Variants in HTR1F observed in about 807,000 individuals in gnomAD.
HTR1F encodes the protein 5-hydroxytryptamine (serotonin) receptor 1F, G protein-coupled.
Under a neutral mutation model 24.0 loss-of-function variants are expected in HTR1F, and 17 were observed. The observed-to-expected ratio is 0.71, with a 90% CI of 0.48 to 1.06. The LOEUF (loss-of-function observed/expected upper bound fraction) is 1.06. Ranked by LOEUF, HTR1F falls within the 50% of genes least tolerant of loss-of-function variation. HTR1F has a pLI of 0.00. For missense variants in HTR1F, 391 were observed against 427.8 expected, an observed-to-expected ratio of 0.91 and a Z score of 0.76; for synonymous variants, 186 against 156.8, an observed-to-expected ratio of 1.19 and a Z score of -1.39.
chr3:87,951,310 A>G (rs897337222), intron 2 of HTR1F, among the ~76,000 whole-genome samples: 1 of 152,188 alleles, frequency 6.6e-6, no homozygotes, highest in African/African-American at 2.4e-5. Context: ...ACTATGTGCT[A>G]GACACTGTAC....
intron 2 of HTR1F, among the ~76,000 whole-genome samples, chr3:87,921,138 TG>T (rs1223069937): frequency 1.3e-4 from 20 of 151,964 alleles, no homozygotes; most frequent in Admixed American, 1.1e-3. Context: ...TGCTAGAGGT[TG>T]GGGGTGAATC....
chr3:87,928,785 A>G (rs1461519477), intron 2 of HTR1F, among the ~76,000 whole-genome samples: 5 of 152,202 alleles, frequency 3.3e-5, no homozygotes, highest in African/African-American at 1.2e-4. Flanking sequence ...GATAAACAGG[A>G]GAAGAAAAGG....
At chr3:87,831,886 T>C (rs1575920086) in intron 2 of HTR1F, among the ~76,000 whole-genome samples, 1 of 152,346 alleles carries the variant, frequency 6.6e-6, no homozygotes, top group East Asian at 1.9e-4. Context: ...GCCACATTGC[T>C]AACTTTTGGA....
intron 2 of HTR1F, among the ~76,000 whole-genome samples, chr3:87,866,722 T>C (rs1559611418): frequency 6.6e-6 from 1 of 151,942 alleles, no homozygotes; most frequent in Non-Finnish European, 1.5e-5. Flanking sequence ...CTTACAGTTA[T>C]TGACTACAGT....
chr3:87,845,808 C>T (rs1380250621), intron 2 of HTR1F, among the ~76,000 whole-genome samples: 1 of 151,970 alleles, frequency 6.6e-6, no homozygotes, highest in Non-Finnish European at 1.5e-5. Flanking sequence ...CCATGCATTG[C>T]TCAAGTTGTC....
intron 2 of HTR1F, among the ~76,000 whole-genome samples, chr3:87,933,408 C>G (rs1704332786): frequency 6.6e-6 from 1 of 152,136 alleles, no homozygotes; most frequent in African/African-American, 2.4e-5. Flanking sequence ...AAGAGGAAGT[C>G]AAATCGTCCC....
chr3:87,799,525 C>T (rs146480428), intron 1 of HTR1F, among the ~76,000 whole-genome samples: 33 of 152,230 alleles, frequency 2.2e-4, no homozygotes, highest in Middle Eastern at 3.4e-3. Context: ...GGTATTTATT[C>T]TCAGCTAAAA....
chr3:87,869,454 T>TAGATGATAGATAGATAGATAGACA (rs113301497), intron 2 of HTR1F, among the ~76,000 whole-genome samples: 1 of 124,772 alleles, frequency 8.0e-6, no homozygotes, highest in African/African-American at 3.6e-5. Context: ...GATAGATAGA[T>TAGATGATAGATAGATAGATAGACA]GATAGATAGA....
intron 2 of HTR1F, among the ~76,000 whole-genome samples, chr3:87,845,107 G>C (rs1261164296): frequency 2.0e-5 from 3 of 151,200 alleles, no homozygotes; most frequent in East Asian, 1.9e-4. Flanking sequence ...CTATCTATGA[G>C]AAACCCACAG....
At chr3:87,797,079 C>G (rs1023195991) in intron 1 of HTR1F, among the ~76,000 whole-genome samples, 1 of 152,122 alleles carries the variant, frequency 6.6e-6, no homozygotes, top group Non-Finnish European at 1.5e-5. Flanking sequence ...TTCAGACATA[C>G]AAAAATCATG....
chr3:87,928,555 C>T (rs1704184260), intron 2 of HTR1F, among the ~76,000 whole-genome samples: 1 of 152,104 alleles, frequency 6.6e-6, no homozygotes, highest in Non-Finnish European at 1.5e-5. Context: ...CATTCATTTG[C>T]ACAATCTATG....
intron 2 of HTR1F, 129 bp from the exon 3 acceptor site, chr3:87,990,579 A>G (rs1705798162): frequency 7.4e-6 from 4 of 541,024 alleles, no homozygotes; most frequent in Middle Eastern, 4.8e-4. Context: ...CTTCAATCTG[A>G]ACCTCATTTT....
Position 87,986,505 on chromosome 3 carries a change from T to C in HTR1F, c.-42-4203T>C, listed in dbSNP as rs116231180. On this transcript the variant is annotated intron_variant, in intron 2 of 2. Transcript: ENST00000319595. ...TTTTTCTTGGCATTAGGTACCATTT[T>C]ATTGAGCTTAATTTAAATGCTACAA... is the stretch of plus-strand genomic sequence containing the variant. Among the ~76,000 whole-genome samples, 1,144 of 152,338 alleles carry C rather than the reference T, an allele frequency of 7.5e-3. 22 individuals carry two copies. Among genetic ancestry groups the C allele is most frequent in the African/African-American group, 0.026 (1,083 of 41,560 alleles).
chr3:87,986,870 C>T (rs143128975), intron 2 of HTR1F, among the ~76,000 whole-genome samples: 2,051 of 152,220 alleles, frequency 0.013, 19 homozygotes, highest in African/African-American at 0.019. Context: ...GTTGGGAGGC[C>T]GTGGTGAGCA....
chr3:87,985,227 C>T lies in HTR1F; in HGVS notation c.-42-5481C>T, dbSNP rs777346946. Among the ~76,000 whole-genome samples the T allele has an allele frequency of 5.3e-5, 8 of 151,888 alleles. No homozygotes were observed. In the Middle Eastern group the frequency reaches 0.017, roughly 323 times the overall value. On this transcript the variant is annotated intron_variant, in intron 2 of 2. Coordinates refer to ENST00000319595, the MANE Select transcript of HTR1F (RefSeq NM_001322209.2). ...GCGCATGCCTGTAATCCCAGCTACT[C>T]GGGAGGCTGAGGCTGACGAATCGCT...
intron 1 of HTR1F, among the ~76,000 whole-genome samples, 192 bp from the exon 2 acceptor site, chr3:87,821,816 T>TC (rs766970957): frequency 7.9e-5 from 12 of 151,024 alleles, no homozygotes; most frequent in Non-Finnish European, 1.5e-4. Context: ...GATCTTCATC[T>TC]CCCCCCAAAA....
intron 1 of HTR1F, among the ~76,000 whole-genome samples, chr3:87,802,093 TCCTCCCTC>T (rs201369952): frequency 6.0e-5 from 4 of 66,806 alleles, no homozygotes; most frequent in East Asian, 5.2e-4. Flanking sequence ...CCTCCCTCCC[TCCTCCCTC>T]CCTCCCTCCC....
At chr3:87,794,342 C>A (rs1406982054) in intron 1 of HTR1F, among the ~76,000 whole-genome samples, 2 of 152,178 alleles carry the variant, frequency 1.3e-5, no homozygotes, top group Non-Finnish European at 2.9e-5. Flanking sequence ...TGCTTCCCCC[C>A]ACCCCATTCT....
At chr3:87,913,400 C>T (rs1452809945) in intron 2 of HTR1F, among the ~76,000 whole-genome samples, 1 of 152,070 alleles carries the variant, frequency 6.6e-6, no homozygotes, top group Non-Finnish European at 1.5e-5. Context: ...CCAGTAACAC[C>T]AGTCAGAATG....
Sources: allele counts gnomAD v4.1 joint callset (sites outside exome capture counted in the v4.1 genomes callset), GRCh38; gene constraint gnomAD v4.1.1; transcripts MANE v1.5; gene names NCBI Gene and HGNC (gene_info 2026-07-23, HGNC 2026-07-21).